Variants in ACER3 observed in about 807,000 individuals in gnomAD.
ACER3 encodes alkCDase 3.
ACER3 carries 16 observed loss-of-function variants against 48.9 expected under a neutral mutation model. The ratio of observed to expected loss-of-function variants is 0.33; its 90% CI spans 0.22 to 0.50. ACER3 has a LOEUF of 0.50. Among genes scored for constraint, ACER3 ranks in the 20% least tolerant of loss-of-function variants. ACER3 has a pLI of 0.98. For missense variants in ACER3, 227 were observed against 326.0 expected (o/e 0.70, Z 2.34); for synonymous variants, 109 against 107.8 (o/e 1.01, Z -0.07).
At chr11:77,005,994 T>TATATATACATATATATATA (rs1272209642) in intron 7 of ACER3, among the ~76,000 whole-genome samples, 5 of 82,132 alleles carry the variant, frequency 6.1e-5, no homozygotes, top group South Asian at 4.4e-4. Context: ...TATATATATT[T>TATATATACATATATATATA]TTTTTTTTTT....
At chr11:76,949,382 T>C (rs1354744840) in intron 2 of ACER3, among the ~76,000 whole-genome samples, 1 of 152,174 alleles carries the variant, frequency 6.6e-6, no homozygotes, top group Non-Finnish European at 1.5e-5. Flanking sequence ...TCTACAGATA[T>C]GAATTTTATA....
chr11:76,885,241 T>C (rs931273322), intron 1 of ACER3, among the ~76,000 whole-genome samples: 1 of 152,198 alleles, frequency 6.6e-6, no homozygotes, highest in Non-Finnish European at 1.5e-5. Flanking sequence ...ATCAGGTTTG[T>C]TTAGACACAG....
chr11:77,015,475 A>G, intron 8 of ACER3, among the ~76,000 whole-genome samples: 1 of 152,212 alleles, frequency 6.6e-6, no homozygotes, highest in East Asian at 1.9e-4. Context: ...ATATAAATAT[A>G]CACTTTCATA....
chr11:76,870,300 A>AT (rs942732282), intron 1 of ACER3, among the ~76,000 whole-genome samples: 1 of 147,894 alleles, frequency 6.8e-6, no homozygotes, highest in Non-Finnish European at 1.5e-5. Flanking sequence ...ACACCTGTCT[A>AT]TTTTTTTTAT....
chr11:77,026,254 A>G lies in ACER3; in HGVS notation c.*5927A>G, dbSNP rs1555025736. 1 of 65,714 alleles carries G rather than the reference A, an allele frequency of 1.5e-5. No individual in the cohort carries two copies. Among genetic ancestry groups the G allele is most frequent in the Admixed American group, 1.0e-4 (1 of 9,530 alleles). 4.1% of individuals were successfully genotyped at this position (65,714 alleles called of 1,614,324 possible). A position where few individuals can be genotyped will look rare whatever the true frequency, so the allele number is the denominator to read the frequency against. ...TTGTCAAGCTGTGGTAGTCATGTACACTTTTTTTCTTTTTTTTAACTTTCT... is the reference window on the plus strand; with the variant it reads ...TTGTCAAGCTGTGGTAGTCATGTACGCTTTTTTTCTTTTTTTTAACTTTCT... On this transcript the variant is annotated 3_prime_UTR_variant, in exon 11 of 11. Transcript: ENST00000532485.
intron 1 of ACER3, among the ~76,000 whole-genome samples, chr11:76,913,876 G>GC (rs1019917979): frequency 1.3e-5 from 2 of 152,098 alleles, no homozygotes; most frequent in Non-Finnish European, 2.9e-5. Flanking sequence ...ATAGAACAGA[G>GC]CCCCCAGAAA....
chr11:76,992,874 CTT>C (rs35182219), intron 6 of ACER3, among the ~76,000 whole-genome samples: 56 of 147,830 alleles, frequency 3.8e-4, no homozygotes, highest in Non-Finnish European at 3.6e-4. Flanking sequence ...ATCTCCCCAC[CTT>C]TTTTTTTTTT....
chr11:76,915,767 G>A (rs1946510631), intron 1 of ACER3, among the ~76,000 whole-genome samples: 2 of 152,216 alleles, frequency 1.3e-5, no homozygotes, highest in Non-Finnish European at 2.9e-5. Context: ...AAGGCGAAGG[G>A]GAAGCAAACT....
chr11:76,872,911 C>CT (rs59654087), intron 1 of ACER3, among the ~76,000 whole-genome samples: 1,843 of 68,646 alleles, frequency 0.027, 104 homozygotes, highest in African/African-American at 0.059. Context: ...TTTTCTTTTT[C>CT]TTTTTTTTTT....
chr11:76,982,358 A>G (rs1948603199), intron 4 of ACER3, among the ~76,000 whole-genome samples: 1 of 151,286 alleles, frequency 6.6e-6, no homozygotes, highest in Admixed American at 6.6e-5. Context: ...CTGGGACTAC[A>G]GGCACCCGCC....
intron 2 of ACER3, among the ~76,000 whole-genome samples, chr11:76,939,412 G>C (rs1294859699): frequency 6.6e-6 from 1 of 152,154 alleles, no homozygotes; most frequent in Non-Finnish European, 1.5e-5. Context: ...GCAACATAGT[G>C]AGACCTTGTC....
At chr11:76,908,080 A>T (rs1364454602) in intron 1 of ACER3, among the ~76,000 whole-genome samples, 3 of 152,012 alleles carry the variant, frequency 2.0e-5, no homozygotes, top group African/African-American at 7.2e-5. Flanking sequence ...TACTAAAAAT[A>T]AAAAAATTAA....
chr11:76,930,355 T>C (rs1274274031), intron 2 of ACER3, among the ~76,000 whole-genome samples: 1 of 152,210 alleles, frequency 6.6e-6, no homozygotes, highest in African/African-American at 2.4e-5. Context: ...TTCTTCTCTC[T>C]TTTCTTCTTT....
At chr11:76,920,885 C>T (rs910766782) in intron 1 of ACER3, among the ~76,000 whole-genome samples, 1 of 152,130 alleles carries the variant, frequency 6.6e-6, no homozygotes, top group African/African-American at 2.4e-5. Context: ...GCAATCCTCC[C>T]CCCTTGGCTT....
intron 4 of ACER3, among the ~76,000 whole-genome samples, chr11:76,981,580 C>T (rs1948586280): frequency 6.6e-6 from 1 of 152,208 alleles, no homozygotes; most frequent in Admixed American, 6.5e-5. Flanking sequence ...CACTGATCTA[C>T]TTTCTATAAT....
intron 8 of ACER3, among the ~76,000 whole-genome samples, chr11:77,015,795 G>C (rs1209836511): frequency 6.6e-6 from 1 of 152,054 alleles, no homozygotes; most frequent in Non-Finnish European, 1.5e-5. Flanking sequence ...TGAATGACCT[G>C]GTCTCTTCGA....
intron 5 of ACER3, among the ~76,000 whole-genome samples, chr11:76,987,489 A>G (rs967660894): frequency 3.3e-5 from 5 of 152,190 alleles, no homozygotes; most frequent in African/African-American, 1.2e-4. Context: ...GATAAATTCA[A>G]TATGAAATGT....
intron 2 of ACER3, among the ~76,000 whole-genome samples, chr11:76,942,996 G>C (rs773088317): frequency 3.3e-5 from 5 of 151,788 alleles, no homozygotes; most frequent in Non-Finnish European, 5.9e-5. Context: ...ATGATCTTTT[G>C]TATTTTTGTG....
intron 2 of ACER3, among the ~76,000 whole-genome samples, chr11:76,953,782 A>C (rs974202052): frequency 1.3e-5 from 2 of 152,124 alleles, no homozygotes; most frequent in African/African-American, 4.8e-5. Context: ...AAAATTGGAA[A>C]ACTAGTCTTT....
Sources: gnomAD v4.1 joint callset for allele counts (sites outside exome capture counted in the v4.1 genomes callset) on GRCh38, gnomAD v4.1.1 for gene constraint, MANE v1.5 for transcripts, NCBI Gene and HGNC (gene_info 2026-07-23, HGNC 2026-07-21) for gene names.